Variants in RABGAP1L observed in about 807,000 individuals in gnomAD.
The protein encoded by RABGAP1L is RAB GTPase activating protein 1 like, also known as rab GTPase-activating protein 1-like.
In RABGAP1L, 63 loss-of-function variants were observed where a neutral mutation model predicts 137.7. The ratio of observed to expected loss-of-function variants is 0.46; its 90% CI spans 0.37 to 0.56. The LOEUF is 0.56. RABGAP1L is among the 20% of genes least tolerant of loss of function. The pLI, the probability that RABGAP1L is intolerant of heterozygous loss-of-function variation, is 0.00. For synonymous variants in RABGAP1L, 431 were observed against 433.7 expected (o/e 0.99, Z 0.08); for missense variants, 1,095 against 1,244.0 (o/e 0.88, Z 1.80).
intron 13 of RABGAP1L, among the ~76,000 whole-genome samples, chr1:174,397,175 C>A (rs1003862704): frequency 6.6e-6 from 1 of 152,064 alleles, no homozygotes; most frequent in African/African-American, 2.4e-5. Context: ...TGGCAAAAAT[C>A]ATTTTCATTG....
intron 17 of RABGAP1L, among the ~76,000 whole-genome samples, chr1:174,710,967 C>T (rs954461996): frequency 1.6e-4 from 25 of 152,144 alleles, no homozygotes; most frequent in South Asian, 4.1e-4. Flanking sequence ...CCCACGGTGG[C>T]GGGGAGGCTC....
intron 19 of RABGAP1L, among the ~76,000 whole-genome samples, chr1:174,827,772 A>G (rs1691735025): frequency 6.8e-6 from 1 of 147,634 alleles, no homozygotes; most frequent in African/African-American, 2.5e-5. Flanking sequence ...AGAAGTTCTA[A>G]TTTACCTTAC....
chr1:174,264,283 T>C (rs183911151), intron 7 of RABGAP1L, among the ~76,000 whole-genome samples: 82 of 152,220 alleles, frequency 5.4e-4, no homozygotes, highest in South Asian at 1.2e-3. Flanking sequence ...ACAAGAAACT[T>C]AATTCTTTTA....
intron 1 of RABGAP1L, among the ~76,000 whole-genome samples, chr1:174,162,753 CTT>C (rs971302832): frequency 2.7e-5 from 1 of 37,190 alleles, no homozygotes; most frequent in Admixed American, 2.8e-4. Context: ...GCTGGTATTT[CTT>C]TTTTTTTTTT....
chr1:174,182,773 T>G (rs1286490344), intron 1 of RABGAP1L, among the ~76,000 whole-genome samples: 3 of 152,174 alleles, frequency 2.0e-5, no homozygotes. Flanking sequence ...TCTACAACAG[T>G]GTAGAATGTA....
chr1:174,492,078 C>G (rs1185509874), intron 13 of RABGAP1L, among the ~76,000 whole-genome samples: 1 of 151,294 alleles, frequency 6.6e-6, no homozygotes, highest in Non-Finnish European at 1.5e-5. Context: ...TTAGAAGGTG[C>G]TTTTTTGGTG....
intron 13 of RABGAP1L, among the ~76,000 whole-genome samples, chr1:174,517,291 T>A (rs2147830121): frequency 6.6e-6 from 1 of 152,294 alleles, no homozygotes; most frequent in South Asian, 2.1e-4. Context: ...AGGGAGAAAT[T>A]TAAAAGGATT....
At chr1:174,460,077 A>G (rs1347015727) in intron 13 of RABGAP1L, among the ~76,000 whole-genome samples, 1 of 152,030 alleles carries the variant, frequency 6.6e-6, no homozygotes, top group Non-Finnish European at 1.5e-5. Context: ...GTGACAAGGT[A>G]TATTGTTTCC....
intron 13 of RABGAP1L, among the ~76,000 whole-genome samples, chr1:174,621,492 G>C (rs886832809): frequency 5.3e-5 from 8 of 152,178 alleles, no homozygotes; most frequent in African/African-American, 9.7e-5. Context: ...CATGGTACTG[G>C]TAGCAAAACA....
At chr1:174,677,477 AC>A (rs1214734456) in intron 14 of RABGAP1L, among the ~76,000 whole-genome samples, 1 of 152,216 alleles carries the variant, frequency 6.6e-6, no homozygotes, top group Non-Finnish European at 1.5e-5. Flanking sequence ...GAAGAAAGAG[AC>A]CTAAAAAGGA....
intron 18 of RABGAP1L, among the ~76,000 whole-genome samples, chr1:174,774,768 T>C (rs1686397322): frequency 1.3e-5 from 2 of 151,956 alleles, no homozygotes; most frequent in Non-Finnish European, 2.9e-5. Flanking sequence ...TAGTCTCAGT[T>C]ATTTGGGAGG....
intron 19 of RABGAP1L, among the ~76,000 whole-genome samples, chr1:174,822,598 G>A (rs1242223065): frequency 6.6e-6 from 1 of 152,178 alleles, no homozygotes; most frequent in African/African-American, 2.4e-5. Flanking sequence ...CCATGGTGGA[G>A]GGGGAGGGCA....
chr1:174,256,273 T>A (rs577488141), intron 7 of RABGAP1L, among the ~76,000 whole-genome samples: 1 of 152,334 alleles, frequency 6.6e-6, no homozygotes, highest in South Asian at 2.1e-4. Flanking sequence ...TTAATATTTG[T>A]GACTAAATTC....
At chr1:174,475,765 C>A (rs1296295008) in intron 13 of RABGAP1L, among the ~76,000 whole-genome samples, 1 of 118,542 alleles carries the variant, frequency 8.4e-6, no homozygotes. Flanking sequence ...ACTGAGACCC[C>A]GTGTCTTAAA....
At chr1:174,680,888 A>C (rs1203521644) in intron 14 of RABGAP1L, among the ~76,000 whole-genome samples, 1 of 151,480 alleles carries the variant, frequency 6.6e-6, no homozygotes, top group Non-Finnish European at 1.5e-5. Context: ...CCCTGCCTCC[A>C]AAAAAAACAA....
chr1:174,447,938 A>AC (rs1558242762), intron 13 of RABGAP1L, among the ~76,000 whole-genome samples: 2 of 117,442 alleles, frequency 1.7e-5, no homozygotes, highest in Admixed American at 2.4e-4. Flanking sequence ...TCACTGCTGA[A>AC]CTGAGGCTGG....
intron 18 of RABGAP1L, among the ~76,000 whole-genome samples, chr1:174,802,468 G>A (rs544600939): frequency 5.3e-5 from 8 of 152,276 alleles, no homozygotes; most frequent in South Asian, 2.1e-4. Context: ...TTAGCCGGGC[G>A]TGGTGGCACG....
At chr1:174,295,637 G>C (rs1358540974) in intron 10 of RABGAP1L, among the ~76,000 whole-genome samples, 1 of 151,144 alleles carries the variant, frequency 6.6e-6, no homozygotes, top group Non-Finnish European at 1.5e-5. Context: ...ACCTGCCTCG[G>C]CCTCCCAAAG....
chr1:174,208,636 T>C (rs1668663990), intron 1 of RABGAP1L, among the ~76,000 whole-genome samples: 1 of 152,212 alleles, frequency 6.6e-6, no homozygotes, highest in African/African-American at 2.4e-5. Flanking sequence ...ATAATTCTTT[T>C]AATACATTGT....
Sources: gnomAD v4.1 joint callset for allele counts (sites outside exome capture counted in the v4.1 genomes callset) on GRCh38, gnomAD v4.1.1 for gene constraint, MANE v1.5 for transcripts, NCBI Gene and HGNC (gene_info 2026-07-23, HGNC 2026-07-21) for gene names.